KCNC2: variants seen among roughly 807,000 people sequenced by gnomAD.
KCNC2 encodes the protein potassium voltage-gated channel subfamily C member 2.
In KCNC2, 21 loss-of-function variants were observed where a neutral mutation model predicts 44.5. The observed-to-expected ratio is 0.47, with a 90% confidence interval of 0.33 to 0.68. KCNC2 has a LOEUF of 0.68. Among genes scored for constraint, KCNC2 ranks in the 30% least tolerant of loss-of-function variants. The pLI is 0.01. For synonymous variants in KCNC2, 391 were observed against 339.1 expected (o/e 1.15, Z -1.68); for missense variants, 589 against 826.2 (o/e 0.71, Z 3.52).
intron 2 of KCNC2, among the ~76,000 whole-genome samples, chr12:75,053,925 T>C (rs1881458903): frequency 6.6e-6 from 1 of 151,622 alleles, no homozygotes; most frequent in East Asian, 1.9e-4. Flanking sequence ...TATTTTGCTT[T>C]AAGAACAACC....
At chr12:75,180,390 A>G (rs1369246793) in intron 2 of KCNC2, among the ~76,000 whole-genome samples, 1 of 151,774 alleles carries the variant, frequency 6.6e-6, no homozygotes, top group African/African-American at 2.4e-5. Context: ...TCTTTTTATC[A>G]CCAATCATTT....
At chr12:75,067,731 T>G (rs2137018011) in intron 2 of KCNC2, among the ~76,000 whole-genome samples, 1 of 152,320 alleles carries the variant, frequency 6.6e-6, no homozygotes, top group African/African-American at 2.4e-5. Context: ...GAGAATGTGT[T>G]CAAGAGCAGT....
chr12:75,041,185 C>T lies in KCNC2; in HGVS notation c.*1920G>A. ...TGTCCCTTTCTCAGCAGTCAATAAT[C>T]CATGATAAATTCTGTACAACACTGT... is the stretch of plus-strand genomic sequence containing the variant. On this transcript the variant is annotated 3_prime_UTR_variant, in exon 5 of 5. Coordinates refer to ENST00000549446, the MANE Select transcript of KCNC2 (RefSeq NM_139137.4). 6.3e-7 allele frequency: 1 copy of T among 1,596,212 alleles called. No individual in the cohort carries two copies. The highest frequency in any genetic ancestry group is 8.5e-7 in the Non-Finnish European group (1 of 1,178,356).
intron 2 of KCNC2, among the ~76,000 whole-genome samples, chr12:75,175,210 C>T (rs1892103246): frequency 6.6e-6 from 1 of 151,948 alleles, no homozygotes; most frequent in South Asian, 2.1e-4. Context: ...GTGAGAGAGG[C>T]ATTAGCCTCC....
At chr12:75,086,701 C>CAA (rs1885063136) in intron 2 of KCNC2, among the ~76,000 whole-genome samples, 2 of 118,990 alleles carry the variant, frequency 1.7e-5, no homozygotes, top group East Asian at 5.0e-4. Context: ...TATATATATA[C>CAA]ACACACATAT....
At position 75,048,274 on chromosome 12, in the gene KCNC2, T is replaced by A; in HGVS notation, c.1659A>T (p.Ser553=). 2 of 1,612,786 alleles carry A rather than the reference T, an allele frequency of 1.2e-6. No homozygotes were observed. The highest frequency in any genetic ancestry group is 1.7e-6 in the Non-Finnish European group (2 of 1,179,298). Residue 553 remains serine (S), a synonymous_variant, in exon 4 of 5, where the codon TCA becomes TCT. Transcript: ENST00000549446. ...GTCTGATGGGGAGCCTTTCTGGGGG[T>A]GATAGTGGCGGCTCACTTCCTGTAC... ...DDSTGSEPPL[S]PPERLPIRRS...
At chr12:75,163,252 ATCTCTGT>A (rs748280082) in intron 2 of KCNC2, among the ~76,000 whole-genome samples, 50 of 151,836 alleles carry the variant, frequency 3.3e-4, no homozygotes, top group Middle Eastern at 3.4e-3. Flanking sequence ...TATTTCCTTA[ATCTCTGT>A]CATTTTTTGT....
At chr12:75,141,647 ATCT>A (rs1340315355) in intron 2 of KCNC2, among the ~76,000 whole-genome samples, 1 of 152,174 alleles carries the variant, frequency 6.6e-6, no homozygotes, top group Non-Finnish European at 1.5e-5. Flanking sequence ...ATTTGAATCC[ATCT>A]TCTTACTTTC....
At chr12:75,071,937 CAAAA>C (rs751849483) in intron 2 of KCNC2, among the ~76,000 whole-genome samples, 5 of 67,360 alleles carry the variant, frequency 7.4e-5, no homozygotes, top group Non-Finnish European at 1.0e-4. Context: ...GACTCCTTCT[CAAAA>C]AAAAAAAAAA....
chr12:75,080,026 T>G (rs994823726), intron 2 of KCNC2, among the ~76,000 whole-genome samples: 11 of 152,138 alleles, frequency 7.2e-5, no homozygotes, highest in African/African-American at 2.4e-4. Flanking sequence ...GCTCTATGAT[T>G]GTTCTGGTCT....
intron 2 of KCNC2, among the ~76,000 whole-genome samples, chr12:75,079,747 T>C (rs963390920): frequency 6.6e-6 from 1 of 152,174 alleles, no homozygotes; most frequent in East Asian, 1.9e-4. Context: ...TTTTAGCTCT[T>C]AATTAGGGTT....
At position 75,041,339 on chromosome 12, in the gene KCNC2, G is replaced by C; in HGVS notation, c.*1766C>G. On this transcript the variant is annotated 3_prime_UTR_variant, in exon 5 of 5. Transcript: ENST00000549446. ...TCTAAATATCATATATGTATGTCTG[G>C]ATAAATACATTGCTGTACAACATCT... is the stretch of plus-strand genomic sequence containing the variant. The C allele has an allele frequency of 6.8e-7, 1 of 1,476,174 alleles. No individual in the cohort carries two copies. The highest frequency in any genetic ancestry group is 9.0e-7 in the Non-Finnish European group (1 of 1,114,226). The allele number at this position is 1,476,174 out of a possible 1,614,324, so 91.4% of individuals were successfully genotyped here.
At chr12:75,049,206 C>G (rs1010704897) in intron 3 of KCNC2, among the ~76,000 whole-genome samples, 4 of 152,082 alleles carry the variant, frequency 2.6e-5, no homozygotes, top group African/African-American at 9.7e-5. Context: ...AACTTCAGCT[C>G]CAGCCACATT....
intron 2 of KCNC2, among the ~76,000 whole-genome samples, chr12:75,104,971 A>AT (rs1301975639): frequency 2.0e-5 from 3 of 152,166 alleles, no homozygotes; most frequent in African/African-American, 7.2e-5. Flanking sequence ...TTAGGCACTG[A>AT]TTTAGGCACT....
At chr12:75,075,441 A>T (rs5004753) in intron 2 of KCNC2, among the ~76,000 whole-genome samples, 5,787 of 121,322 alleles carry the variant, frequency 0.048, 355 homozygotes, top group African/African-American at 0.16. Context: ...AATTCTCAGG[A>T]GAGAAATATA....
In KCNC2 at chr12:75,207,987, T is replaced by A; in HGVS notation, c.-4A>T. 6.2e-7 allele frequency: 1 copy of A among 1,612,098 alleles called. No homozygotes were observed. The highest frequency in any genetic ancestry group is 1.1e-5 in the South Asian group (1 of 90,932). On this transcript the variant is annotated 5_prime_UTR_variant, in exon 2 of 5. Coordinates refer to ENST00000549446, the MANE Select transcript of KCNC2 (RefSeq NM_139137.4). The surrounding 1 kb of genome is among the most constrained non-coding windows in gnomAD (Gnocchi z 4.1). ...CGTTGTTCTCGATCTTGCCCATCTC[T>A]GTGACTCAGACATGACTAGGGGGAG...
At chr12:75,176,037 T>A (rs1414880184) in intron 2 of KCNC2, among the ~76,000 whole-genome samples, 1 of 152,062 alleles carries the variant, frequency 6.6e-6, no homozygotes, top group Non-Finnish European at 1.5e-5. Context: ...GATTTTAAAT[T>A]ATTAGTAGAA....
chr12:75,091,300 T>G (rs368289428), intron 2 of KCNC2, among the ~76,000 whole-genome samples: 3 of 151,772 alleles, frequency 2.0e-5, no homozygotes, highest in African/African-American at 4.8e-5. Flanking sequence ...TTCAGCTCTT[T>G]GTGTGGCAAC....
chr12:75,186,674 C>CA (rs1247362413), intron 2 of KCNC2, among the ~76,000 whole-genome samples: 9 of 152,110 alleles, frequency 5.9e-5, no homozygotes, highest in Non-Finnish European at 1.2e-4. Context: ...ATTACAAAGA[C>CA]AACAGCATTT....
Sources: gnomAD v4.1 joint callset for allele counts (sites outside exome capture counted in the v4.1 genomes callset) on GRCh38, gnomAD v4.1.1 for gene constraint, Gnocchi (gnomAD v3.1) non-coding constraint, MANE v1.5 for transcripts, NCBI Gene and HGNC (gene_info 2026-07-23, HGNC 2026-07-21) for gene names.